RNF31: variants seen among roughly 807,000 people sequenced by gnomAD.
The protein encoded by RNF31 is E3 ubiquitin-protein ligase RNF31.
RNF31 carries 38 observed loss-of-function variants against 133.6 expected under a neutral mutation model. The ratio of observed to expected loss-of-function variants is 0.28; its 90% confidence interval spans 0.22 to 0.37. The LOEUF (loss-of-function observed/expected upper bound fraction) is 0.37, where lower values mean the gene tolerates loss of function less well. RNF31 is among the 10% of genes least tolerant of loss of function. The probability of loss-of-function intolerance (pLI) is 1.00; values close to 1 mark genes in which losing one functional copy is unlikely to be tolerated. For missense variants in RNF31, 1,118 were observed against 1,394.1 expected (o/e 0.80, Z 3.15); for synonymous variants, 582 against 552.3 (o/e 1.05, Z -0.75).
At chr14:24,146,890 TG>T (rs1168835525), upstream of RNF31, 27 of 496,768 alleles carry the variant, frequency 5.4e-5, 1 homozygote, top group East Asian at 5.9e-4. Flanking sequence ...TAGGGCCAAC[TG>T]GAAGTCCAGG....
In RNF31 at chr14:24,147,504, C is replaced by G. The variant is rs910868182; in HGVS notation, c.-195C>G. On this transcript the variant is annotated 5_prime_UTR_variant, in exon 1 of 21. Coordinates refer to ENST00000324103, the MANE Select transcript of RNF31 (RefSeq NM_017999.5). ...CGCAGTCCCACCCTCTCTCCTAGTA[C>G]TTCCTGTTCTCGGCTAACCCTGGCG... The G allele has an allele frequency of 6.6e-6, 3 of 456,082 alleles. No homozygotes were observed. The highest frequency in any genetic ancestry group is 4.1e-5 in the African/African-American group (2 of 48,512). 28.3% of individuals were successfully genotyped at this position (456,082 alleles called of 1,614,324 possible).
intron 18 of RNF31, among the ~76,000 whole-genome samples, chr14:24,159,584 CAAA>C (rs59295225): frequency 0.12 from 9,852 of 81,744 alleles, 275 homozygotes; most frequent in Middle Eastern, 0.17. Flanking sequence ...AAATAACAAC[CAAA>C]AAAAAAAAAA....
At chr14:24,153,437 C>T (rs373615408) in intron 11 of RNF31, among the ~76,000 whole-genome samples, 6 of 151,520 alleles carry the variant, frequency 4.0e-5, no homozygotes, top group East Asian at 1.9e-4. Flanking sequence ...ATTAGCCAGG[C>T]GTGGTGGCGT....
chr14:24,152,051 C>G, intron 11 of RNF31, 59 bp downstream of exon 11: 1 of 1,508,822 alleles, frequency 6.6e-7, no homozygotes, highest in Non-Finnish European at 9.0e-7. Flanking sequence ...GGACCCCCAT[C>G]CTACCCCAGT....
chr14:24,147,827 G>C lies in RNF31; in HGVS notation c.129G>C (p.Pro43=). Reference sequence around the variant, plus strand: ...GGCCGCTACTAGCCAGCTCTCTGCCGCTAGCCGCCCGCTACCTGCAGCTGG... The same window carrying C: ...GGCCGCTACTAGCCAGCTCTCTGCCCCTAGCCGCCCGCTACCTGCAGCTGG... The part of the protein sequence containing the change: ...QLRPLLASSL[P]LAARYLQLDA... The change falls in exon 1 of 21, where the codon CCG becomes CCC. Residue 43 remains proline (P), a synonymous_variant. Coordinates refer to ENST00000324103, the MANE Select transcript of RNF31 (RefSeq NM_017999.5). 4.4e-6 allele frequency: 7 copies of C among 1,607,662 alleles called. No individual in the cohort carries two copies. The highest frequency in any genetic ancestry group is 5.9e-6 in the Non-Finnish European group (7 of 1,178,538).
intron 14 of RNF31, among the ~76,000 whole-genome samples, chr14:24,156,669 C>T (rs563624713): frequency 6.6e-6 from 1 of 152,084 alleles, no homozygotes; most frequent in African/African-American, 2.4e-5. Context: ...ATCCCAACTA[C>T]TCTGGAGGCT....
In RNF31 at chr14:24,150,404, G is replaced by A. The variant is rs1368212096; in HGVS notation, c.1153G>A (p.Val385Met). ...TCGGCTGGCCCAGCCTCCCAGCTTG[G>A]TGGTGGATTCCCGAGATGCTGGCAT... ...RPRLAQPPSL[V>M]VDSRDAGICL... Residue 385 changes from valine to methionine, a missense_variant, in exon 7 of 21, where the codon GTG (valine) becomes ATG (methionine). Transcript: ENST00000324103. The A allele has an allele frequency of 1.5e-5, 24 of 1,613,194 alleles. No individual in the cohort carries two copies. The highest frequency in any genetic ancestry group is 2.0e-5 in the Non-Finnish European group (24 of 1,179,862).
intron 14 of RNF31, among the ~76,000 whole-genome samples, chr14:24,157,086 G>A (rs963411901): frequency 6.6e-6 from 1 of 152,218 alleles, no homozygotes; most frequent in Non-Finnish European, 1.5e-5. Context: ...GGTCTGTGGG[G>A]TGGAAACAAG....
In RNF31 at chr14:24,155,047, C is replaced by T; in HGVS notation, c.2131-110C>T. Reference sequence around the variant, plus strand: ...TGGCACTTGAGGTTGTTAACCCTGCCCAGTTGTTAATTAGACCCTGATTTC... The same window carrying T: ...TGGCACTTGAGGTTGTTAACCCTGCTCAGTTGTTAATTAGACCCTGATTTC... On this transcript the variant is annotated intron_variant, in intron 11 of 20. Transcript: ENST00000324103. The surrounding 1 kb of genome is among the most constrained non-coding windows in gnomAD (Gnocchi z 4.9). The T allele has an allele frequency of 9.4e-7, 1 of 1,058,994 alleles. No homozygotes were observed. The highest frequency in any genetic ancestry group is 1.5e-5 in the South Asian group (1 of 65,932). 65.6% of individuals were successfully genotyped at this position (1,058,994 alleles called of 1,614,324 possible).
chr14:24,155,151 C>T lies in RNF31; in HGVS notation c.2131-6C>T, dbSNP rs1378051787. 2 of 1,613,464 alleles carry T rather than the reference C, an allele frequency of 1.2e-6. No individual in the cohort carries two copies. The highest frequency in any genetic ancestry group is 2.2e-5 in the East Asian group (1 of 44,878). ...ACCCCCTCCCCTCCAACCCCTCACC[C>T]TCCAGATGCAGGCCCTGACTTCCTG... On this transcript the variant is annotated splice_region_variant and splice_polypyrimidine_tract_variant and intron_variant, in intron 11 of 20. Coordinates refer to ENST00000324103, the MANE Select transcript of RNF31 (RefSeq NM_017999.5). This position sits in a 1 kb window ranked among gnomAD's most constrained non-coding sequence, Gnocchi z 4.9.
chr14:24,147,481 C>T, upstream of RNF31: 1 of 400,852 alleles, frequency 2.5e-6, no homozygotes, highest in Non-Finnish European at 4.3e-6. Context: ...AATTGGGTCG[C>T]AGTCCCACCC....
At position 24,147,638 on chromosome 14, in the gene RNF31, C is replaced by A. The variant is rs1266118417; in HGVS notation, c.-61C>A. ...CAGACGGGAGGGGCGGCGCTCGGGC[C>A]GCGCGCTGCCCGCGCCGGGTCCTGG... On this transcript the variant is annotated 5_prime_UTR_variant, in exon 1 of 21. Transcript: ENST00000324103. The A allele has an allele frequency of 1.3e-5, 17 of 1,345,670 alleles. No homozygotes were observed. In the East Asian group the frequency reaches 5.1e-4, roughly 40 times the overall value. 83.4% of individuals were successfully genotyped at this position (1,345,670 alleles called of 1,614,324 possible).
At chr14:24,152,056 C>G (rs1239283970) in intron 11 of RNF31, 64 bp downstream of exon 11, 8 of 1,486,000 alleles carry the variant, frequency 5.4e-6, no homozygotes, top group Non-Finnish European at 6.4e-6. Flanking sequence ...CCCATCCTAC[C>G]CCAGTCTCCA....
chr14:24,158,946 TGG>T (rs2038390573), intron 18 of RNF31, among the ~76,000 whole-genome samples: 1 of 138,464 alleles, frequency 7.2e-6, no homozygotes, highest in Non-Finnish European at 1.5e-5. Context: ...GGCAGGAGAA[TGG>T]CATGAACCCG....
chr14:24,150,848 A>C lies in RNF31; in HGVS notation c.1448A>C (p.Lys483Thr). The change falls in exon 8 of 21, where the codon AAG becomes ACG. Residue 483 changes from lysine to threonine, a missense_variant. This residue lies in a region of RNF31 where 747 missense variants were observed against 827.9 expected (regional missense o/e 0.90). Transcript: ENST00000324103. ...GATCCTGAGAAGCAGCGCCAAGACAAGATGCGGGAAGAAGGCCTCCAGCTA... is the reference window on the plus strand; with the variant it reads ...GATCCTGAGAAGCAGCGCCAAGACACGATGCGGGAAGAAGGCCTCCAGCTA... ...CGDPEKQRQD[K>T]MREEGLQLVS... 6.4e-7 allele frequency: 1 copy of C among 1,570,198 alleles called. No homozygotes were observed. Among genetic ancestry groups the C allele is most frequent in the Non-Finnish European group, 8.6e-7 (1 of 1,156,890 alleles).
Position 24,155,418 on chromosome 14 carries a change from G to A in RNF31, c.2309G>A (p.Arg770His), listed in dbSNP as rs758100077. ...ACCTCTGCATCCTGTCCCCAGCTTC[G>A]CGAGAGCCTAGAGCCAGATGCCTAT... is the stretch of plus-strand genomic sequence containing the variant. ...SYFSTLDIQLRESLEPDAYAL... is the reference protein window; with the variant it reads ...SYFSTLDIQLHESLEPDAYAL... Residue 770 changes from arginine (R) to histidine (H), a missense_variant, in exon 13 of 21, where the codon CGC (arginine) becomes CAC (histidine). Physicochemically the swap from Arg to His is conservative, Grantham distance 29. Coordinates refer to ENST00000324103, the MANE Select transcript of RNF31 (RefSeq NM_017999.5). This position sits in a 1 kb window ranked among gnomAD's most constrained non-coding sequence, Gnocchi z 4.9. 3.7e-6 allele frequency: 6 copies of A among 1,614,080 alleles called. No homozygotes were observed. The highest frequency in any genetic ancestry group is 1.1e-5 in the South Asian group (1 of 91,086).
At chr14:24,152,441 T>A (rs994223405) in intron 11 of RNF31, among the ~76,000 whole-genome samples, 13 of 152,194 alleles carry the variant, frequency 8.5e-5, no homozygotes. Context: ...TTATTTTTTT[T>A]AGATGGAATT....
intron 14 of RNF31, among the ~76,000 whole-genome samples, chr14:24,156,012 G>A (rs961768368): frequency 1.3e-5 from 2 of 152,232 alleles, no homozygotes; most frequent in Non-Finnish European, 2.9e-5. Flanking sequence ...CCTACTTAGG[G>A]TAGAGAGGTC....
chr14:24,160,410 A>G lies in RNF31; in HGVS notation c.3165+3A>G. 6.2e-7 allele frequency: 1 copy of G among 1,613,506 alleles called. No homozygotes were observed. The highest frequency in any genetic ancestry group is 8.5e-7 in the Non-Finnish European group (1 of 1,179,534). On this transcript the variant is annotated splice_donor_region_variant and intron_variant, in intron 20 of 20. Transcript: ENST00000324103. The surrounding 1 kb of genome is among the most constrained non-coding windows in gnomAD (Gnocchi z 4.0). Reference sequence around the variant, plus strand: ...CTTACCAGGCCCGCTTGTTACAGGTATAGCCTCCACCCAGCCTCATCTCTT... The same window carrying G: ...CTTACCAGGCCCGCTTGTTACAGGTGTAGCCTCCACCCAGCCTCATCTCTT...
Sources: gnomAD v4.1 joint callset for allele counts (sites outside exome capture counted in the v4.1 genomes callset) on GRCh38, gnomAD v4.1.1 for gene constraint, gnomAD v4.1.1 regional missense constraint, Gnocchi (gnomAD v3.1) non-coding constraint, MANE v1.5 for transcripts, NCBI Gene and HGNC (gene_info 2026-07-23, HGNC 2026-07-21) for gene names.